ZNF283: variants seen among roughly 807,000 people sequenced by gnomAD.
ZNF283 encodes zinc finger protein 41.
Under a neutral mutation model 9.2 loss-of-function variants are expected in ZNF283, and 10 were observed. The observed-to-expected ratio is 1.09, with a 90% CI of 0.67 to 1.85. ZNF283 has a LOEUF of 1.85. Among genes scored for constraint, ZNF283 ranks in the 40% most tolerant of loss-of-function variants. The pLI, the probability that ZNF283 is intolerant of heterozygous loss-of-function variation, is 0.00. For synonymous variants in ZNF283, 234 were observed against 244.1 expected, an observed-to-expected ratio of 0.96 and a Z score of 0.38; for missense variants, 631 against 760.1, an observed-to-expected ratio of 0.83 and a Z score of 2.00.
Position 43,837,175 on chromosome 19 carries a change from A to C in ZNF283, c.333A>C (p.Ser111=). 1 of 1,604,686 alleles carries C rather than the reference A, an allele frequency of 6.2e-7. No individual in the cohort carries two copies. The highest frequency in any genetic ancestry group is 2.2e-5 in the East Asian group (1 of 44,626). The change falls in exon 6 of 7, where the codon TCA becomes TCC. Residue 111 remains serine (S), a synonymous_variant. Transcript: ENST00000618787. ...VMLENYSNLV[S]LDLESKTYET... Reference sequence around the variant, plus strand: ...TGGAGAACTATAGTAACTTGGTGTCACTGGGTAAGGTCATCTGCCTGAAAT... The same window carrying C: ...TGGAGAACTATAGTAACTTGGTGTCCCTGGGTAAGGTCATCTGCCTGAAAT...
rs1971572529 is a variant in ZNF283 at position 43,850,388 on chromosome 19, TC to T, written c.*1748del. On this transcript the variant is annotated 3_prime_UTR_variant, in exon 7 of 7. Coordinates refer to ENST00000618787, the MANE Select transcript of ZNF283 (RefSeq NM_181845.2). ...TCCATTATATACCTAATAGGATTGG[TC>T]AGCCTTGATCAATGATCTTTGGAAA... is the stretch of plus-strand genomic sequence containing the variant. 1 of 152,174 alleles carries T rather than the reference TC, an allele frequency of 6.6e-6. No individual in the cohort carries two copies. The highest frequency in any genetic ancestry group is 1.5e-5 in the Non-Finnish European group (1 of 68,030). 9.4% of individuals were successfully genotyped at this position (152,174 alleles called of 1,614,324 possible).
chr19:43,842,588 T>C (rs1391388937), intron 6 of ZNF283, among the ~76,000 whole-genome samples: 1 of 152,260 alleles, frequency 6.6e-6, no homozygotes, highest in Non-Finnish European at 1.5e-5. Context: ...ACATAATTCT[T>C]ACTCTAGGTA....
rs1242568709 is a variant in ZNF283, at chr19:43,850,399, C to T, written c.*1758C>T. ...CCTAATAGGATTGGTCAGCCTTGAT[C>T]AATGATCTTTGGAAATGTGTGATCA... On this transcript the variant is annotated 3_prime_UTR_variant, in exon 7 of 7. Coordinates refer to ENST00000618787, the MANE Select transcript of ZNF283 (RefSeq NM_181845.2). The T allele has an allele frequency of 6.6e-6, 1 of 151,548 alleles. No individual in the cohort carries two copies. Among genetic ancestry groups the T allele is most frequent in the African/African-American group, 2.4e-5 (1 of 41,210 alleles). The allele number at this position is 151,548 out of a possible 1,614,324, so 9.4% of individuals were successfully genotyped here. A position where few individuals can be genotyped will look rare whatever the true frequency, so the allele number is the denominator to read the frequency against.
Position 43,848,145 on chromosome 19 carries a change from A to G in ZNF283, c.1544A>G (p.Tyr515Cys), listed in dbSNP as rs1349859197. Residue 515 changes from tyrosine (Y) to cysteine (C), a missense_variant, in exon 7 of 7, where the codon TAT becomes TGT. Physicochemically the swap from Tyr to Cys is radical, Grantham distance 194. Transcript: ENST00000618787. The part of the protein sequence containing the change: ...HQVFHTGEKP[Y>C]ECKECGKAFN... ...GTATTTCACACTGGTGAGAAACCCT[A>G]TGAATGTAAGGAATGTGGGAAGGCT... 3 of 1,613,640 alleles carry G rather than the reference A, an allele frequency of 1.9e-6. No individual in the cohort carries two copies. The highest frequency in any genetic ancestry group is 1.3e-5 in the African/African-American group (1 of 74,808).
chr19:43,842,276 A>C (rs1371872741), intron 6 of ZNF283, among the ~76,000 whole-genome samples: 1 of 152,160 alleles, frequency 6.6e-6, no homozygotes, highest in Non-Finnish European at 1.5e-5. Flanking sequence ...CTATCCAATA[A>C]AGATTTCATT....
Position 43,848,638 on chromosome 19 carries a change from A to G in ZNF283, c.2037A>G (p.Leu679=). The change falls in exon 7 of 7, where the codon TTA becomes TTG. Residue 679 remains leucine (L), a synonymous_variant. Coordinates refer to ENST00000618787, the MANE Select transcript of ZNF283 (RefSeq NM_181845.2). ...SNEKIDTDET[L] is the part of the protein sequence containing the mutation. ...AGAAAATTGATACTGATGAAACCTT[A>G]TGATTGAAAGTTGTAAAAGAATATT... The G allele has an allele frequency of 9.7e-6, 15 of 1,541,486 alleles. No individual in the cohort carries two copies. Among genetic ancestry groups the G allele is most frequent in the Non-Finnish European group, 1.3e-5 (15 of 1,143,904 alleles).
Position 43,835,507 on chromosome 19 carries a change from C to G in ZNF283, c.125C>G (p.Ser42Cys), listed in dbSNP as rs567637889. 1.2e-5 allele frequency: 19 copies of G among 1,608,412 alleles called. 1 individual carries two copies. In the South Asian group the frequency reaches 2.0e-4, roughly 17 times the overall value. ...AACGCTTCGTTTTCCCTCCCCAGTT[C>G]TGGCTTTTCTGGATTCTGTGCTTCA... Reference protein sequence around the residue: ...LSLLSSWDYSSGFSGFCASPI... With the variant: ...LSLLSSWDYSCGFSGFCASPI... The change falls in exon 5 of 7, where the codon TCT (serine) becomes TGT (cysteine). Residue 42 changes from serine (S) to cysteine (C), a missense_variant and splice_region_variant. Physicochemically the swap from Ser to Cys is moderately radical, Grantham distance 112 (BLOSUM62 -1). Around this residue, in one of 3 missense-constraint regions of ZNF283, gnomAD observed 184 missense variants for 220.0 expected, o/e 0.84. Transcript: ENST00000618787.
Position 43,847,753 on chromosome 19 carries a change from T to C in ZNF283, c.1152T>C (p.Phe384=). 3 of 1,613,766 alleles carry C rather than the reference T, an allele frequency of 1.9e-6. No individual in the cohort carries two copies. Among genetic ancestry groups the C allele is most frequent in the Non-Finnish European group, 2.5e-6 (3 of 1,179,872 alleles). Residue 384 remains phenylalanine (F), a synonymous_variant, in exon 7 of 7, where the codon TTT becomes TTC. Transcript: ENST00000618787. ...AATGTAAAATATGTGGAAAGGCTTTTTGTTGGGGCTATCAACTTACTCGAC... is the reference window on the plus strand; with the variant it reads ...AATGTAAAATATGTGGAAAGGCTTTCTGTTGGGGCTATCAACTTACTCGAC... ...PYECKICGKA[F]CWGYQLTRHQ...
At chr19:43,832,275 C>G (rs1201545381) in intron 3 of ZNF283, among the ~76,000 whole-genome samples, 1 of 152,172 alleles carries the variant, frequency 6.6e-6, no homozygotes, top group African/African-American at 2.4e-5. Context: ...GCAATAATCT[C>G]CAATATACAG....
chr19:43,844,084 A>G (rs1971316972), intron 6 of ZNF283, among the ~76,000 whole-genome samples: 1 of 152,148 alleles, frequency 6.6e-6, no homozygotes, highest in South Asian at 2.1e-4. Flanking sequence ...AATTTAAAAC[A>G]TCTTTTGTTT....
At chr19:43,837,290 C>A in intron 6 of ZNF283, 111 bp downstream of exon 6, 1 of 1,156,120 alleles carries the variant, frequency 8.6e-7, no homozygotes, top group Admixed American at 2.9e-5. Context: ...TCTTCTCCCC[C>A]TTCCCAAGGG....
At chr19:43,829,258 G>C (rs976324975) in intron 2 of ZNF283, among the ~76,000 whole-genome samples, 2 of 152,122 alleles carry the variant, frequency 1.3e-5, no homozygotes, top group African/African-American at 4.8e-5. Flanking sequence ...AGTGGTAGGC[G>C]CCTGTAGTCC....
At chr19:43,840,843 GC>G (rs888873313) in intron 6 of ZNF283, 11 of 149,540 alleles carry the variant, frequency 7.4e-5, no homozygotes, top group African/African-American at 2.5e-4. Flanking sequence ...CTGCCACCAC[GC>G]CCGGCTAATT....
chr19:43,830,054 A>G (rs879616621), intron 2 of ZNF283, among the ~76,000 whole-genome samples: 4 of 152,186 alleles, frequency 2.6e-5, no homozygotes, highest in African/African-American at 4.8e-5. Context: ...CACATGCTCA[A>G]ATGATCTAGG....
At position 43,848,221 on chromosome 19, in the gene ZNF283, GA is replaced by G; in HGVS notation, c.1623del (p.Lys541AsnfsTer46). ...AACATGAAAGAATCCATACAGGGGA[GA>G]AACCCTATGAATGTAAAGAATGTGG... ...VQHERIHTGE[K>X]PYECKECGKA... On this transcript the variant is annotated frameshift_variant, in exon 7 of 7. Coordinates refer to ENST00000618787, the MANE Select transcript of ZNF283 (RefSeq NM_181845.2). LOFTEE classifies it low-confidence loss of function (END_TRUNC). The G allele has an allele frequency of 2.5e-6, 4 of 1,613,830 alleles. No homozygotes were observed. The highest frequency in any genetic ancestry group is 3.4e-6 in the Non-Finnish European group (4 of 1,179,930).
intron 3 of ZNF283, 21 bp from the exon 4 acceptor site, chr19:43,833,484 C>CTTTTTTTTTT (rs55882936): frequency 0.015 from 2,082 of 137,820 alleles, 337 homozygotes; most frequent in African/African-American, 0.075. Context: ...TTACCTATTT[C>CTTTTTTTTTT]TTTTTTTTTT....
In ZNF283 at chr19:43,848,105, C is replaced by T. The variant is rs748735761; in HGVS notation, c.1504C>T (p.Leu502Phe). The change falls in exon 7 of 7, where the codon CTT (leucine) becomes TTT (phenylalanine). Residue 502 changes from leucine (L) to phenylalanine (F), a missense_variant. By Grantham distance (22) the Leu-to-Phe change is conservative. This residue lies in a region of ZNF283 where 444 missense variants were observed against 522.5 expected (regional missense o/e 0.85). Transcript: ENST00000618787. ...AAAGACCTTTTGTAGTGGGTATCAA[C>T]TTACTCGACATCAGGTATTTCACAC... ...CGKTFCSGYQ[L>F]TRHQVFHTGE... 2.5e-6 allele frequency: 4 copies of T among 1,613,478 alleles called. No individual in the cohort carries two copies. In the Admixed American group the frequency reaches 5.0e-5, roughly 20 times the overall value.
At chr19:43,831,867 A>C (rs189290727) in intron 3 of ZNF283, among the ~76,000 whole-genome samples, 1 of 152,266 alleles carries the variant, frequency 6.6e-6, no homozygotes, top group Admixed American at 6.5e-5. Context: ...GAGCTCAAGC[A>C]ATCCGCCTCC....
Position 43,847,941 on chromosome 19 carries a change from C to T in ZNF283, c.1340C>T (p.Ser447Phe), listed in dbSNP as rs1290209036. The change falls in exon 7 of 7, where the codon TCT becomes TTT. Residue 447 changes from serine (S) to phenylalanine (F), a missense_variant. Ser to Phe is a radical substitution (Grantham distance 155). Around this residue, in one of 3 missense-constraint regions of ZNF283, gnomAD observed 444 missense variants for 522.5 expected, o/e 0.85. Coordinates refer to ENST00000618787, the MANE Select transcript of ZNF283 (RefSeq NM_181845.2). ...GKAFSRGYHL[S>F]QHQKIHTGEK... ...GCCTTTAGTCGTGGCTATCACCTTT[C>T]TCAACATCAGAAAATCCATACTGGT... 1.2e-6 allele frequency: 2 copies of T among 1,613,502 alleles called. No homozygotes were observed. Among genetic ancestry groups the T allele is most frequent in the Non-Finnish European group, 1.7e-6 (2 of 1,179,882 alleles).
Sources: allele counts gnomAD v4.1 joint callset (sites outside exome capture counted in the v4.1 genomes callset), GRCh38; gene constraint gnomAD v4.1.1; regional missense constraint gnomAD v4.1.1; transcripts MANE v1.5; gene names NCBI Gene and HGNC (gene_info 2026-07-23, HGNC 2026-07-21).